The following LARGE1 variants were observed in gnomAD, a reference collection of about 807,000 sequenced individuals.
The protein encoded by LARGE1 is xylosyl- and glucuronyltransferase LARGE1.
In LARGE1, 43 loss-of-function variants were observed where a neutral mutation model predicts 87.6. The observed-to-expected ratio is 0.49, with a 90% CI of 0.38 to 0.63. The LOEUF (loss-of-function observed/expected upper bound fraction) is 0.63. Among genes scored for constraint, LARGE1 ranks in the 30% least tolerant of loss-of-function variants. LARGE1 has a pLI of 0.00. For missense variants in LARGE1, 802 were observed against 1,000.2 expected, an observed-to-expected ratio of 0.80 and a Z score of 2.67; for synonymous variants, 434 against 394.6, an observed-to-expected ratio of 1.10 and a Z score of -1.18.
chr22:33,276,715 C>CT (rs777971026), intron 14 of LARGE1, among the ~76,000 whole-genome samples: 10 of 152,216 alleles, frequency 6.6e-5, no homozygotes, highest in Non-Finnish European at 8.8e-5. Context: ...ATATGGAACT[C>CT]TAAGGATGCT....
chr22:33,263,266 T>C (rs1011493565), intron 11 of LARGE1, among the ~76,000 whole-genome samples: 8 of 152,192 alleles, frequency 5.3e-5, no homozygotes, highest in South Asian at 2.1e-4. Flanking sequence ...ACCTCCAAGA[T>C]TCCCAAGCCC....
chr22:33,786,492 GAAACAGTACA>G (rs1305141190), intron 1 of LARGE1, among the ~76,000 whole-genome samples: 1 of 152,140 alleles, frequency 6.6e-6, no homozygotes, highest in Non-Finnish European at 1.5e-5. Flanking sequence ...CAAGAGATAG[GAAACAGTACA>G]AAATATTCCA....
intron 11 of LARGE1, among the ~76,000 whole-genome samples, chr22:33,255,176 G>T (rs1927199990): frequency 1.3e-5 from 2 of 152,144 alleles, no homozygotes; most frequent in Admixed American, 6.5e-5. Flanking sequence ...GACCTCAAGT[G>T]ATCCGCCTGC....
the LARGE1 span, among the ~76,000 whole-genome samples, chr22:33,133,991 A>G: frequency 6.6e-6 from 1 of 152,222 alleles, no homozygotes; most frequent in Non-Finnish European, 1.5e-5. Flanking sequence ...AACCATGTTC[A>G]GGGAGATTAA....
intron 7 of LARGE1, among the ~76,000 whole-genome samples, chr22:33,403,396 G>A (rs1320293233): frequency 2.6e-5 from 4 of 152,166 alleles, no homozygotes; most frequent in Non-Finnish European, 4.4e-5. Flanking sequence ...CATCCTGAAG[G>A]ACTAAGTTGA....
At chr22:33,492,908 G>C (rs944483410) in intron 6 of LARGE1, among the ~76,000 whole-genome samples, 4 of 152,138 alleles carry the variant, frequency 2.6e-5, no homozygotes, top group Admixed American at 6.5e-5. Flanking sequence ...TGCGGGCGGC[G>C]GGTGGGCAAT....
chr22:33,258,940 C>T (rs994995565), intron 11 of LARGE1, among the ~76,000 whole-genome samples: 63 of 151,322 alleles, frequency 4.2e-4, no homozygotes, highest in African/African-American at 1.4e-3. Context: ...TACAGTGGCA[C>T]GATCTTGGCT....
chr22:33,775,306 G>A (rs148390028), intron 1 of LARGE1, among the ~76,000 whole-genome samples: 5 of 152,254 alleles, frequency 3.3e-5, no homozygotes, highest in South Asian at 2.1e-4. Flanking sequence ...GATCCCTGTC[G>A]ACCTGACCTT....
the LARGE1 span, among the ~76,000 whole-genome samples, chr22:33,135,139 C>T: frequency 6.6e-6 from 1 of 152,202 alleles, no homozygotes; most frequent in African/African-American, 2.4e-5. Flanking sequence ...TCATCTTAGA[C>T]ACTACCCACT....
chr22:33,304,079 GCAGGTCC>G, intron 12 of LARGE1, 143 bp downstream of exon 12: 1 of 822,192 alleles, frequency 1.2e-6, no homozygotes, highest in Non-Finnish European at 1.9e-6. Context: ...GTGGCTGTGG[GCAGGTCC>G]CTTCCCCTTT....
intron 2 of LARGE1, among the ~76,000 whole-genome samples, chr22:33,652,248 T>C (rs2080841903): frequency 1.3e-5 from 2 of 152,094 alleles, no homozygotes; most frequent in African/African-American, 2.4e-5. Flanking sequence ...CTCAATGTGA[T>C]GCCACCACAA....
chr22:33,537,991 T>C (rs1175102140), intron 6 of LARGE1, among the ~76,000 whole-genome samples: 1 of 152,170 alleles, frequency 6.6e-6, no homozygotes, highest in Non-Finnish European at 1.5e-5. Flanking sequence ...ACCTAAGTCC[T>C]ATGTCTCTGA....
chr22:33,151,086 T>C, the LARGE1 span, among the ~76,000 whole-genome samples: 5 of 152,212 alleles, frequency 3.3e-5, no homozygotes, highest in Admixed American at 1.3e-4. Context: ...TTAGGCACAG[T>C]ATGCTTCTCC....
intron 11 of LARGE1, among the ~76,000 whole-genome samples, chr22:33,252,262 C>A (rs1023528100): frequency 7.3e-6 from 1 of 137,792 alleles, no homozygotes; most frequent in Non-Finnish European, 1.5e-5. Context: ...CCCCCCCCCC[C>A]CGCCATTTTA....
chr22:33,749,421 T>TC (rs2084228038), intron 2 of LARGE1, among the ~76,000 whole-genome samples: 1 of 152,190 alleles, frequency 6.6e-6, no homozygotes, highest in South Asian at 2.1e-4. Context: ...CCCTGTGCTC[T>TC]CCTTTTTATG....
chr22:33,139,817 A>G, the LARGE1 span, among the ~76,000 whole-genome samples: 2 of 152,234 alleles, frequency 1.3e-5, no homozygotes, highest in African/African-American at 2.4e-5. Context: ...TTTCCAAAGC[A>G]AGTTAGCTCC....
At chr22:33,798,718 C>CAAGCTCCT (rs1479487351) in intron 1 of LARGE1, among the ~76,000 whole-genome samples, 2 of 152,168 alleles carry the variant, frequency 1.3e-5, no homozygotes, top group Non-Finnish European at 2.9e-5. Context: ...CCTTGACACA[C>CAAGCTCCT]TGGAAGAATA....
the LARGE1 span, among the ~76,000 whole-genome samples, chr22:33,156,255 C>G: frequency 6.6e-6 from 1 of 152,104 alleles, no homozygotes; most frequent in Non-Finnish European, 1.5e-5. Flanking sequence ...GTAGATCCAC[C>G]AACAGCTTGC....
At chr22:33,540,246 T>C (rs551425064) in intron 6 of LARGE1, among the ~76,000 whole-genome samples, 2 of 152,286 alleles carry the variant, frequency 1.3e-5, no homozygotes, top group South Asian at 4.1e-4. Flanking sequence ...AACAGAGCCA[T>C]GTGAACCTCC....
Sources: allele counts gnomAD v4.1 joint callset (sites outside exome capture counted in the v4.1 genomes callset), GRCh38; gene constraint gnomAD v4.1.1; transcripts MANE v1.5; gene names NCBI Gene and HGNC (gene_info 2026-07-23, HGNC 2026-07-21).